The following KHDRBS2 variants were observed in gnomAD, a reference collection of about 807,000 sequenced individuals.
KHDRBS2 encodes KH domain-containing, RNA-binding, signal transduction-associated protein 2.
A neutral mutation model predicts 44.3 loss-of-function variants in KHDRBS2; 26 were observed. That is an observed-to-expected ratio of 0.59 (90% CI 0.43 to 0.81). The LOEUF (loss-of-function observed/expected upper bound fraction) is 0.81, where lower values mean the gene tolerates loss of function less well. KHDRBS2 is among the 40% of genes least tolerant of loss of function. KHDRBS2 has a pLI of 0.00. For synonymous variants in KHDRBS2, 194 were observed against 151.1 expected, an observed-to-expected ratio of 1.28 and a Z score of -2.08; for missense variants, 476 against 433.1, an observed-to-expected ratio of 1.10 and a Z score of -0.88.
At chr6:62,093,111 T>C (rs766073914) in intron 2 of KHDRBS2, among the ~76,000 whole-genome samples, 21 of 151,866 alleles carry the variant, frequency 1.4e-4, no homozygotes, top group Non-Finnish European at 2.4e-4. Flanking sequence ...TCCTCTACTT[T>C]TAATTAATTA....
the KHDRBS2 span, among the ~76,000 whole-genome samples, chr6:61,576,551 T>A: frequency 6.6e-6 from 1 of 152,144 alleles, no homozygotes; most frequent in East Asian, 1.9e-4. Context: ...TGCCTTTTAT[T>A]TCTTTCTTTT....
At chr6:61,851,166 C>A (rs1220996413) in intron 6 of KHDRBS2, among the ~76,000 whole-genome samples, 6 of 151,688 alleles carry the variant, frequency 4.0e-5, no homozygotes, top group Admixed American at 2.0e-4. Flanking sequence ...CACTTTCTTG[C>A]CTAAAAGCCT....
chr6:62,161,476 A>G (rs989097877), intron 2 of KHDRBS2, among the ~76,000 whole-genome samples: 3 of 149,716 alleles, frequency 2.0e-5, no homozygotes, highest in Non-Finnish European at 4.4e-5. Context: ...AGTAACCTAG[A>G]TATCATTTAA....
intron 6 of KHDRBS2, among the ~76,000 whole-genome samples, chr6:61,733,513 T>C (rs1454284021): frequency 6.6e-6 from 1 of 151,974 alleles, no homozygotes; most frequent in Non-Finnish European, 1.5e-5. Context: ...GGGGAATCAC[T>C]TGAACCTGGG....
chr6:62,265,679 C>A (rs953488511), intron 1 of KHDRBS2, among the ~76,000 whole-genome samples: 9 of 151,932 alleles, frequency 5.9e-5, no homozygotes, highest in Admixed American at 2.0e-4. Flanking sequence ...CACAAAAATT[C>A]TTTTCTTATT....
the KHDRBS2 span, among the ~76,000 whole-genome samples, chr6:61,648,329 G>A: frequency 6.6e-6 from 1 of 151,836 alleles, no homozygotes; most frequent in Non-Finnish European, 1.5e-5. Context: ...GTTTAGATAA[G>A]GCTAGAATCT....
At chr6:61,659,983 T>C in the KHDRBS2 span, among the ~76,000 whole-genome samples, 3 of 151,808 alleles carry the variant, frequency 2.0e-5, no homozygotes, top group African/African-American at 7.2e-5. Context: ...CTCTGACAAA[T>C]AGCAAGCTTC....
Position 61,911,684 on chromosome 6 carries a change from C to T in KHDRBS2, c.484-10313G>A, listed in dbSNP as rs183762444. Among the ~76,000 whole-genome samples the T allele has an allele frequency of 2.2e-4, 33 of 151,224 alleles. No homozygotes were observed. The East Asian group carries it at 5.8e-3, about 27-fold the overall frequency. On this transcript the variant is annotated intron_variant, in intron 4 of 8. Transcript: ENST00000281156. Reference sequence around the variant, plus strand: ...TGCTATATTTCTTCATGAGAAAATCCCTCCTAGAAATTCTCCTATATTTTT... The same window carrying T: ...TGCTATATTTCTTCATGAGAAAATCTCTCCTAGAAATTCTCCTATATTTTT...
the KHDRBS2 span, among the ~76,000 whole-genome samples, chr6:61,628,063 C>T: frequency 6.6e-6 from 1 of 152,028 alleles, no homozygotes; most frequent in African/African-American, 2.4e-5. Context: ...TCTTTAGATC[C>T]TGAAGCATAA....
the KHDRBS2 span, among the ~76,000 whole-genome samples, chr6:61,631,791 G>A: frequency 2.6e-5 from 4 of 152,010 alleles, no homozygotes; most frequent in Non-Finnish European, 5.9e-5. Flanking sequence ...GGTGGTTATG[G>A]GGAAAACACA....
chr6:61,977,991 T>A lies in KHDRBS2; in HGVS notation c.483+75A>T, dbSNP rs73481173. Reference sequence around the variant, plus strand: ...GCAATATGAGTTTCCTTTTAAAAAGTCAGTGAAGATCAAAGGTGCATTTTA... The same window carrying A: ...GCAATATGAGTTTCCTTTTAAAAAGACAGTGAAGATCAAAGGTGCATTTTA... On this transcript the variant is annotated intron_variant, in intron 4 of 8. Coordinates refer to ENST00000281156, the MANE Select transcript of KHDRBS2 (RefSeq NM_152688.4). The A allele has an allele frequency of 2.0e-3, 2,524 of 1,233,918 alleles. 38 individuals carry two copies. The African/African-American group carries it at 0.035, about 17-fold the overall frequency. The allele number at this position is 1,233,918 out of a possible 1,614,324, so 76.4% of individuals were successfully genotyped here.
At chr6:61,595,425 T>C in the KHDRBS2 span, among the ~76,000 whole-genome samples, 1 of 152,240 alleles carries the variant, frequency 6.6e-6, no homozygotes, top group Non-Finnish European at 1.5e-5. Flanking sequence ...TCCCCAACTT[T>C]TCAAAGTAGA....
At chr6:61,804,775 G>A (rs1317129344) in intron 6 of KHDRBS2, among the ~76,000 whole-genome samples, 1 of 152,200 alleles carries the variant, frequency 6.6e-6, no homozygotes, top group African/African-American at 2.4e-5. Flanking sequence ...TGGGATGCAG[G>A]GTACCAAGTC....
chr6:62,256,554 T>A (rs537731999), intron 1 of KHDRBS2, among the ~76,000 whole-genome samples: 2 of 152,184 alleles, frequency 1.3e-5, no homozygotes, highest in South Asian at 2.1e-4. Context: ...CTACCATGAT[T>A]GTGAGACTTC....
At chr6:62,135,948 TATCTC>T (rs1811427218) in intron 2 of KHDRBS2, among the ~76,000 whole-genome samples, 3 of 152,124 alleles carry the variant, frequency 2.0e-5, no homozygotes, top group Admixed American at 2.0e-4. Context: ...AAGATGTAGT[TATCTC>T]AGATGAATAA....
intron 7 of KHDRBS2, among the ~76,000 whole-genome samples, chr6:61,727,337 A>G (rs1773735061): frequency 6.6e-6 from 1 of 152,230 alleles, no homozygotes; most frequent in Admixed American, 6.5e-5. Flanking sequence ...CTAGAAGAAG[A>G]GCTAGGCAAT....
the KHDRBS2 span, among the ~76,000 whole-genome samples, chr6:61,670,148 G>A: frequency 3.3e-5 from 5 of 151,160 alleles, no homozygotes; most frequent in Admixed American, 1.3e-4. Context: ...TGTTTACCTT[G>A]AGAATGGACT....
At chr6:61,878,366 C>T (rs1297879802) in intron 6 of KHDRBS2, among the ~76,000 whole-genome samples, 1 of 152,032 alleles carries the variant, frequency 6.6e-6, no homozygotes, top group Non-Finnish European at 1.5e-5. Context: ...AGCTTTTTCT[C>T]CCAACAAGAC....
chr6:62,060,956 T>G (rs1331890197), intron 2 of KHDRBS2, among the ~76,000 whole-genome samples: 2 of 151,924 alleles, frequency 1.3e-5, no homozygotes, highest in Non-Finnish European at 2.9e-5. Flanking sequence ...TTGATCTTTG[T>G]TGGTTTAAAG....
Sources: gnomAD v4.1 joint callset for allele counts (sites outside exome capture counted in the v4.1 genomes callset) on GRCh38, gnomAD v4.1.1 for gene constraint, MANE v1.5 for transcripts, NCBI Gene and HGNC (gene_info 2026-07-23, HGNC 2026-07-21) for gene names.